Variants in HPCAL1 observed in about 807,000 individuals in gnomAD.
HPCAL1 encodes hippocalcin-like protein 1.
In HPCAL1, 8 loss-of-function variants were observed where a neutral mutation model predicts 17.1. The observed-to-expected ratio is 0.47, with a 90% CI of 0.27 to 0.84. The LOEUF is 0.84. HPCAL1 is among the 40% of genes least tolerant of loss of function. The pLI, the probability that HPCAL1 is intolerant of heterozygous loss-of-function variation, is 0.13. For synonymous variants in HPCAL1, 112 were observed against 111.4 expected (o/e 1.01, Z -0.03); for missense variants, 165 against 271.1 (o/e 0.61, Z 2.75).
intron 1 of HPCAL1, among the ~76,000 whole-genome samples, chr2:10,380,439 T>C (rs1667866144): frequency 6.6e-6 from 1 of 152,186 alleles, no homozygotes; most frequent in African/African-American, 2.4e-5. Flanking sequence ...CAGACCAGTC[T>C]GCTGGGACAA....
intron 1 of HPCAL1, chr2:10,324,197 C>T (rs1237971970): frequency 6.6e-6 from 1 of 152,200 alleles, no homozygotes; most frequent in Non-Finnish European, 1.5e-5. Context: ...GTTTCATTGT[C>T]ATGTCAGTTT....
At position 10,363,975 on chromosome 2, in the gene HPCAL1, T is replaced by C. The variant is rs1666680811; in HGVS notation, c.-110-32860T>C. Among the ~76,000 whole-genome samples, 1 of 152,090 alleles carries C rather than the reference T, an allele frequency of 6.6e-6. No homozygotes were observed. The highest frequency in any genetic ancestry group is 1.5e-5 in the Non-Finnish European group (1 of 68,008). On this transcript the variant is annotated intron_variant, in intron 1 of 4. Coordinates refer to ENST00000307845, the MANE Select transcript of HPCAL1 (RefSeq NM_002149.4). This position sits in a 1 kb window ranked among gnomAD's most constrained non-coding sequence, Gnocchi z 4.7. ...TGATTCGGGGCGCTTGGCCGGGTGG[T>C]GGGGTGGGACACCCCAGAGGGAAGG...
chr2:10,335,323 A>G (rs1176058047), intron 1 of HPCAL1, among the ~76,000 whole-genome samples: 2 of 152,186 alleles, frequency 1.3e-5, no homozygotes, highest in Non-Finnish European at 2.9e-5. Context: ...GCCAGATGCC[A>G]TGTCTCAAGG....
intron 1 of HPCAL1, among the ~76,000 whole-genome samples, chr2:10,348,616 T>G (rs956627979): frequency 2.8e-4 from 42 of 148,814 alleles, no homozygotes; most frequent in Admixed American, 3.4e-4. Flanking sequence ...AAAAAAAATA[T>G]ATATATATAT....
chr2:10,371,970 C>T (rs1667240725), intron 1 of HPCAL1, among the ~76,000 whole-genome samples: 1 of 152,246 alleles, frequency 6.6e-6, no homozygotes. Context: ...AGATGTTTCT[C>T]TCCTTCTTAG....
At chr2:10,306,074 C>T (rs1662604193) in intron 1 of HPCAL1, among the ~76,000 whole-genome samples, 1 of 152,212 alleles carries the variant, frequency 6.6e-6, no homozygotes, top group South Asian at 2.1e-4. Context: ...TAGAGTACCA[C>T]ACTCACTCAT....
intron 1 of HPCAL1, among the ~76,000 whole-genome samples, chr2:10,326,945 C>T (rs1664055587): frequency 1.3e-5 from 2 of 152,166 alleles, no homozygotes; most frequent in African/African-American, 2.4e-5. Context: ...CTCTTTGTCT[C>T]GGTTGTCCCT....
At chr2:10,349,060 C>T (rs1175479454) in intron 1 of HPCAL1, among the ~76,000 whole-genome samples, 2 of 152,200 alleles carry the variant, frequency 1.3e-5, no homozygotes, top group Non-Finnish European at 2.9e-5. Flanking sequence ...TTGCACATTT[C>T]CTGCTTGTTT....
chr2:10,419,943 C>T lies in HPCAL1; in HGVS notation c.186C>T (p.Ser62=). The T allele has an allele frequency of 6.2e-7, 1 of 1,613,998 alleles. No individual in the cohort carries two copies. Reference sequence around the variant, plus strand: ...ACTTCTTCCCCTACGGCGACGCTTCCAAGTTCGCCGAGCACGTCTTCCGCA... The same window carrying T: ...ACTTCTTCCCCTACGGCGACGCTTCTAAGTTCGCCGAGCACGTCTTCCGCA... ...YANFFPYGDA[S]KFAEHVFRTF... The change falls in exon 3 of 5, where the codon TCC becomes TCT. Residue 62 remains serine, a synonymous_variant. Coordinates refer to ENST00000307845, the MANE Select transcript of HPCAL1 (RefSeq NM_002149.4). This position sits in a 1 kb window ranked among gnomAD's most constrained non-coding sequence, Gnocchi z 5.0.
intron 1 of HPCAL1, among the ~76,000 whole-genome samples, chr2:10,318,906 A>G (rs1861232): frequency 0.78 from 119,173 of 152,132 alleles, 47,024 homozygotes; most frequent in East Asian, 0.99. Flanking sequence ...TCTCCATGCC[A>G]GCCCTTGGGT....
intron 2 of HPCAL1, among the ~76,000 whole-genome samples, chr2:10,399,759 AG>A (rs1312030256): frequency 3.9e-5 from 6 of 152,234 alleles, no homozygotes; most frequent in Non-Finnish European, 7.4e-5. Flanking sequence ...CTCCCCGGGC[AG>A]TGGAGAAGCA....
chr2:10,411,930 C>A (rs1260480456), intron 2 of HPCAL1, among the ~76,000 whole-genome samples: 1 of 152,182 alleles, frequency 6.6e-6, no homozygotes, highest in African/African-American at 2.4e-5. Context: ...TTCTCCTGTC[C>A]AGTGTCTTTC....
rs537010694 is a variant in HPCAL1, at chr2:10,385,198, C to T, written c.-110-11637C>T. On this transcript the variant is annotated intron_variant, in intron 1 of 4. Transcript: ENST00000307845. ...GCAGCTGTGCGGTGGTCCTTGCCAT[C>T]TTCCCATCAGCCCCTCCCAGCCCCT... 3.9e-5 allele frequency among the ~76,000 whole-genome samples: 6 copies of T among 152,244 alleles called. No individual in the cohort carries two copies. In the South Asian group the frequency reaches 1.0e-3, roughly 26 times the overall value.
intron 1 of HPCAL1, among the ~76,000 whole-genome samples, chr2:10,390,824 C>T (rs1179778344): frequency 2.0e-5 from 3 of 152,178 alleles, no homozygotes; most frequent in African/African-American, 4.8e-5. Flanking sequence ...GAAATGGCCC[C>T]GGAACCATAA....
chr2:10,407,552 A>T (rs1450878797), intron 2 of HPCAL1, among the ~76,000 whole-genome samples: 1 of 152,248 alleles, frequency 6.6e-6, no homozygotes, highest in African/African-American at 2.4e-5. Flanking sequence ...CAGACAGTCA[A>T]GAGATTTTGT....
intron 1 of HPCAL1, among the ~76,000 whole-genome samples, chr2:10,372,009 G>T (rs933239660): frequency 2.6e-5 from 4 of 152,134 alleles, no homozygotes; most frequent in African/African-American, 9.7e-5. Context: ...TCTTTTGTTT[G>T]CCCTGATTAT....
At chr2:10,340,831 A>C (rs759862152) in intron 1 of HPCAL1, among the ~76,000 whole-genome samples, 1 of 152,146 alleles carries the variant, frequency 6.6e-6, no homozygotes, top group Non-Finnish European at 1.5e-5. Context: ...CCTGTTCCTG[A>C]ATCCCTGTCC....
intron 1 of HPCAL1, among the ~76,000 whole-genome samples, chr2:10,325,745 A>G (rs1348296132): frequency 6.6e-6 from 1 of 152,198 alleles, no homozygotes; most frequent in Admixed American, 6.5e-5. Flanking sequence ...CATCTTAAAC[A>G]TCTGCCTTCC....
At position 10,382,972 on chromosome 2, in the gene HPCAL1, C is replaced by T. The variant is rs942952262; in HGVS notation, c.-110-13863C>T. On this transcript the variant is annotated intron_variant, in intron 1 of 4. Transcript: ENST00000307845. ...TGGCGGCTCGCTTGTGCACCACTCTCCAGGGCAGTGGTGTGCGGGACACCC... is the reference window on the plus strand; with the variant it reads ...TGGCGGCTCGCTTGTGCACCACTCTTCAGGGCAGTGGTGTGCGGGACACCC... Among the ~76,000 whole-genome samples, 4 of 152,308 alleles carry T rather than the reference C, an allele frequency of 2.6e-5. No individual in the cohort carries two copies. In the Middle Eastern group the frequency reaches 0.01, roughly 389 times the overall value.
Sources: gnomAD v4.1 joint callset for allele counts (sites outside exome capture counted in the v4.1 genomes callset) on GRCh38, gnomAD v4.1.1 for gene constraint, Gnocchi (gnomAD v3.1) non-coding constraint, MANE v1.5 for transcripts, NCBI Gene and HGNC (gene_info 2026-07-23, HGNC 2026-07-21) for gene names.